PRR16: variants seen among roughly 807,000 people sequenced by gnomAD.
PRR16 encodes the protein proline rich 16, also known as protein Largen.
PRR16 carries 6 observed loss-of-function variants against 18.2 expected under a neutral mutation model. The observed-to-expected ratio is 0.33, with a 90% confidence interval of 0.18 to 0.65. PRR16 has a LOEUF of 0.65. Among genes scored for constraint, PRR16 ranks in the 30% least tolerant of loss-of-function variants. The pLI is 0.74. For synonymous variants in PRR16, 151 were observed against 147.8 expected, an observed-to-expected ratio of 1.02 and a Z score of -0.16; for missense variants, 412 against 376.6, an observed-to-expected ratio of 1.09 and a Z score of -0.78.
At chr5:120,653,848 G>A (rs1218706790) in intron 1 of PRR16, among the ~76,000 whole-genome samples, 2 of 151,966 alleles carry the variant, frequency 1.3e-5, no homozygotes, top group Non-Finnish European at 2.9e-5. Context: ...CCTTTTAAAA[G>A]TGAGTAATGC....
At chr5:120,746,006 G>A in the PRR16 span, among the ~76,000 whole-genome samples, 1 of 151,712 alleles carries the variant, frequency 6.6e-6, no homozygotes, top group East Asian at 1.9e-4. Flanking sequence ...ACCACCACGT[G>A]TGGCCTTTAG....
chr5:120,521,460 A>T (rs963761243), intron 1 of PRR16, among the ~76,000 whole-genome samples: 9 of 152,084 alleles, frequency 5.9e-5, no homozygotes, highest in African/African-American at 2.2e-4. Flanking sequence ...TAGAACTACA[A>T]ATTACAGTCT....
chr5:120,757,655 G>A, the PRR16 span, among the ~76,000 whole-genome samples: 7 of 151,968 alleles, frequency 4.6e-5, no homozygotes, highest in South Asian at 1.5e-3. Flanking sequence ...TCTAAACACA[G>A]AATCATGATA....
intron 1 of PRR16, among the ~76,000 whole-genome samples, chr5:120,554,343 A>G (rs988384484): frequency 2.6e-5 from 4 of 151,980 alleles, no homozygotes; most frequent in Non-Finnish European, 4.4e-5. Flanking sequence ...CATTTAACAG[A>G]GGATTTAAAA....
intron 1 of PRR16, among the ~76,000 whole-genome samples, chr5:120,593,879 TAAAG>T (rs774795711): frequency 5.2e-4 from 79 of 152,086 alleles, no homozygotes; most frequent in African/African-American, 2.2e-4. Flanking sequence ...ATTCATCACA[TAAAG>T]AAAATTAAAG....
intron 1 of PRR16, among the ~76,000 whole-genome samples, chr5:120,502,006 A>T (rs1030549641): frequency 1.3e-5 from 2 of 150,266 alleles, no homozygotes; most frequent in African/African-American, 4.9e-5. Context: ...AGTATAAAAA[A>T]TTACTGTGGA....
intron 1 of PRR16, among the ~76,000 whole-genome samples, chr5:120,640,688 A>G (rs1755392375): frequency 6.6e-6 from 1 of 152,010 alleles, no homozygotes; most frequent in African/African-American, 2.4e-5. Flanking sequence ...CTTTTGGCCA[A>G]CTCCTTCATC....
At chr5:120,677,882 TA>T (rs768137769) in intron 1 of PRR16, among the ~76,000 whole-genome samples, 4 of 149,996 alleles carry the variant, frequency 2.7e-5, no homozygotes, top group Non-Finnish European at 4.4e-5. Flanking sequence ...GGAATTGGAC[TA>T]AACTGCTTTT....
intron 1 of PRR16, among the ~76,000 whole-genome samples, chr5:120,646,959 T>C: frequency 6.6e-6 from 1 of 151,976 alleles, no homozygotes; most frequent in East Asian, 1.9e-4. Context: ...CATGTTATAA[T>C]GAAAAAAGGC....
the PRR16 span, among the ~76,000 whole-genome samples, chr5:120,740,019 T>C: frequency 6.6e-6 from 1 of 152,340 alleles, no homozygotes; most frequent in South Asian, 2.1e-4. Flanking sequence ...TATTATAACC[T>C]CTAGGACCCC....
At chr5:120,612,227 G>A (rs1299268034) in intron 1 of PRR16, among the ~76,000 whole-genome samples, 1 of 152,162 alleles carries the variant, frequency 6.6e-6, no homozygotes, top group Non-Finnish European at 1.5e-5. Flanking sequence ...CTCATAGGTA[G>A]AAGAGAATTG....
intron 1 of PRR16, among the ~76,000 whole-genome samples, chr5:120,637,610 G>A (rs1343440567): frequency 6.7e-6 from 1 of 148,814 alleles, no homozygotes; most frequent in African/African-American, 2.5e-5. Flanking sequence ...GGATGCAAAG[G>A]CATAAGAATG....
the PRR16 span, among the ~76,000 whole-genome samples, chr5:120,720,744 T>C: frequency 6.6e-6 from 1 of 152,076 alleles, no homozygotes; most frequent in Non-Finnish European, 1.5e-5. Flanking sequence ...TGTATGTGTG[T>C]TCTATATTTA....
chr5:120,732,834 A>G, the PRR16 span, among the ~76,000 whole-genome samples: 1 of 152,190 alleles, frequency 6.6e-6, no homozygotes, highest in Non-Finnish European at 1.5e-5. Context: ...TTGTGTATAA[A>G]TGGAAGAAAA....
the PRR16 span, among the ~76,000 whole-genome samples, chr5:120,760,059 G>A: frequency 3.9e-5 from 6 of 152,120 alleles, no homozygotes; most frequent in African/African-American, 9.7e-5. Context: ...ACCTAAATAT[G>A]CGTACTTGTT....
intron 1 of PRR16, among the ~76,000 whole-genome samples, chr5:120,590,912 C>T (rs1753612846): frequency 6.6e-6 from 1 of 152,048 alleles, no homozygotes; most frequent in Admixed American, 6.6e-5. Flanking sequence ...ATAAACAAAG[C>T]TTCTTTGATT....
chr5:120,686,469 C>T lies in PRR16; in HGVS notation c.675C>T (p.Asn225=), dbSNP rs776055201. 2 of 1,613,970 alleles carry T rather than the reference C, an allele frequency of 1.2e-6. No individual in the cohort carries two copies. Among genetic ancestry groups the T allele is most frequent in the South Asian group, 1.1e-5 (1 of 91,068 alleles). The change falls in exon 2 of 2, where the codon AAC becomes AAT. Residue 225 remains asparagine, a synonymous_variant. Transcript: ENST00000407149. ...GTCCTGACTGTGATACCCGGTATAACATAAAAAACAGGGAGGTCCACTTAC... is the reference window on the plus strand; with the variant it reads ...GTCCTGACTGTGATACCCGGTATAATATAAAAAACAGGGAGGTCCACTTAC... ...GYCPDCDTRY[N]IKNREVHLHS... is the part of the protein sequence containing the mutation.
the PRR16 span, among the ~76,000 whole-genome samples, chr5:120,701,557 G>T: frequency 6.6e-6 from 1 of 152,174 alleles, no homozygotes; most frequent in African/African-American, 2.4e-5. Flanking sequence ...GCCGGACCAG[G>T]TGTGAGGAGG....
chr5:120,669,596 T>C (rs2150145211), intron 1 of PRR16, among the ~76,000 whole-genome samples: 1 of 152,212 alleles, frequency 6.6e-6, no homozygotes. Flanking sequence ...ATCCTCCACA[T>C]ACTAAAATTG....
Sources: gnomAD v4.1 joint callset for allele counts (sites outside exome capture counted in the v4.1 genomes callset) on GRCh38, gnomAD v4.1.1 for gene constraint, MANE v1.5 for transcripts, NCBI Gene and HGNC (gene_info 2026-07-23, HGNC 2026-07-21) for gene names.